The following ERP44 variants were observed in gnomAD, a reference collection of about 807,000 sequenced individuals.
ERP44 encodes the protein endoplasmic reticulum protein 44.
In ERP44, 25 loss-of-function variants were observed where a neutral mutation model predicts 53.4. The ratio of observed to expected loss-of-function variants is 0.47; its 90% confidence interval spans 0.34 to 0.65. ERP44 has a LOEUF of 0.65. ERP44 is among the 30% of genes least tolerant of loss of function. The probability of loss-of-function intolerance (pLI) is 0.01; values close to 1 mark genes in which losing one functional copy is unlikely to be tolerated. For synonymous variants in ERP44, 145 were observed against 161.2 expected (o/e 0.90, Z 0.76); for missense variants, 338 against 493.2 (o/e 0.69, Z 2.98).
At chr9:100,084,992 C>CT (rs1269339396) in intron 1 of ERP44, among the ~76,000 whole-genome samples, 3 of 152,192 alleles carry the variant, frequency 2.0e-5, no homozygotes, top group Non-Finnish European at 1.5e-5. Context: ...GGTGGTTTAT[C>CT]TTGCCTCATG....
intron 10 of ERP44, among the ~76,000 whole-genome samples, chr9:100,001,740 T>G (rs957342051): frequency 5.9e-5 from 9 of 152,192 alleles, no homozygotes; most frequent in Non-Finnish European, 1.2e-4. Context: ...GTAGGCAGTT[T>G]ATAGTTGGGT....
At chr9:100,067,922 C>CT (rs1826240543) in intron 1 of ERP44, among the ~76,000 whole-genome samples, 2 of 151,716 alleles carry the variant, frequency 1.3e-5, no homozygotes, top group Admixed American at 6.6e-5. Flanking sequence ...GCCCGGCAAC[C>CT]ACCCCGTCTG....
chr9:100,045,362 T>C (rs1312031326), intron 4 of ERP44, among the ~76,000 whole-genome samples: 1 of 152,216 alleles, frequency 6.6e-6, no homozygotes, highest in Non-Finnish European at 1.5e-5. Context: ...CAATTTGCGA[T>C]TGTGTATTGT....
chr9:100,016,497 T>C, intron 7 of ERP44, 59 bp from the exon 8 acceptor site: 1 of 1,497,718 alleles, frequency 6.7e-7, no homozygotes, highest in Non-Finnish European at 8.8e-7. Flanking sequence ...AGTATATTCT[T>C]ATTTTTTTTC....
At chr9:100,067,735 T>C (rs1307837420) in intron 1 of ERP44, among the ~76,000 whole-genome samples, 1 of 146,410 alleles carries the variant, frequency 6.8e-6, no homozygotes, top group African/African-American at 2.6e-5. Context: ...CCATCCCATC[T>C]AGGAAGTGAG....
intron 10 of ERP44, among the ~76,000 whole-genome samples, chr9:99,996,765 G>T (rs1034754706): frequency 6.6e-6 from 1 of 152,048 alleles, no homozygotes; most frequent in Non-Finnish European, 1.5e-5. Context: ...CCACATATCA[G>T]TAAGAACATA....
At chr9:100,028,998 G>T (rs1310252964) in intron 4 of ERP44, among the ~76,000 whole-genome samples, 3 of 152,070 alleles carry the variant, frequency 2.0e-5, no homozygotes, top group Non-Finnish European at 4.4e-5. Flanking sequence ...AATTCTAAGT[G>T]TCCCTATCTC....
rs139567620 is a variant in ERP44, at chr9:100,096,415, T to C, written c.57+2369A>G. Among the ~76,000 whole-genome samples, 675 of 151,834 alleles carry C rather than the reference T, an allele frequency of 4.4e-3. 3 individuals are homozygous for C. The highest frequency in any genetic ancestry group is 0.016 in the African/African-American group (649 of 41,486). ...CGCAAATAAATATATATATAAAAGA[T>C]ATATATACATATAAAAGCTCAGGAA... On this transcript the variant is annotated intron_variant, in intron 1 of 11. Coordinates refer to ENST00000262455, the MANE Select transcript of ERP44 (RefSeq NM_015051.3).
At chr9:99,993,535 G>A (rs1830277672) in intron 10 of ERP44, among the ~76,000 whole-genome samples, 1 of 152,160 alleles carries the variant, frequency 6.6e-6, no homozygotes, top group Admixed American at 6.5e-5. Context: ...AGACTTAAAT[G>A]TTAGACCTAA....
At chr9:100,053,491 T>A (rs1191545807) in intron 3 of ERP44, among the ~76,000 whole-genome samples, 1 of 152,154 alleles carries the variant, frequency 6.6e-6, no homozygotes, top group African/African-American at 2.4e-5. Flanking sequence ...CATCATAAAG[T>A]ATACTTACAC....
intron 10 of ERP44, among the ~76,000 whole-genome samples, chr9:99,991,341 T>G (rs1830252400): frequency 6.6e-6 from 1 of 152,138 alleles, no homozygotes. Flanking sequence ...GCAATTAAAT[T>G]AGAACTCAGG....
chr9:99,982,455 G>T lies in ERP44; in HGVS notation c.*157C>A. 3.1e-6 allele frequency: 1 copy of T among 322,848 alleles called. No homozygotes were observed. Among genetic ancestry groups the T allele is most frequent in the East Asian group, 4.9e-5 (1 of 20,602 alleles). The allele number at this position is 322,848 out of a possible 1,614,324, so 20.0% of individuals were successfully genotyped here. ...AGAGGCTACTATATTAAATGACAAT[G>T]CATTTTGAGTCGGGGAGAAAAAAAT... On this transcript the variant is annotated 3_prime_UTR_variant, in exon 12 of 12. Transcript: ENST00000262455.
At chr9:100,006,399 A>T (rs1486866639) in intron 10 of ERP44, 107 bp downstream of exon 10, 1 of 820,588 alleles carries the variant, frequency 1.2e-6, no homozygotes, top group African/African-American at 1.7e-5. Context: ...CAGTTAACAA[A>T]GTCTTACTGT....
intron 6 of ERP44, among the ~76,000 whole-genome samples, chr9:100,020,130 GAAGGACACCAGTTAC>G (rs925588207): frequency 3.9e-5 from 6 of 152,218 alleles, no homozygotes; most frequent in Non-Finnish European, 5.9e-5. Flanking sequence ...AGAGGAGTTT[GAAGGACACCAGTTAC>G]AAGGACATCA....
intron 9 of ERP44, among the ~76,000 whole-genome samples, chr9:100,007,036 G>A (rs1403700287): frequency 2.0e-5 from 3 of 152,154 alleles, no homozygotes; most frequent in Non-Finnish European, 4.4e-5. Context: ...TTGATTTTTA[G>A]TCGAATTCAA....
At position 99,981,207 on chromosome 9, in the gene ERP44, T is replaced by C. The variant is rs139791061; in HGVS notation, c.*1405A>G. 68 of 152,336 alleles carry C rather than the reference T, an allele frequency of 4.5e-4. No individual in the cohort carries two copies. The East Asian group carries it at 0.011, about 25-fold the overall frequency. The allele number at this position is 152,336 out of a possible 1,614,324, so 9.4% of individuals were successfully genotyped here. On this transcript the variant is annotated 3_prime_UTR_variant, in exon 12 of 12. Transcript: ENST00000262455. The stretch of plus-strand genomic sequence containing the variant: ...TACAATACATTAAATATACCCCTTA[T>C]CACCTTATTAACATTTATTATTTTG...
chr9:100,000,028 C>T (rs1204522789), intron 10 of ERP44, among the ~76,000 whole-genome samples: 13 of 152,092 alleles, frequency 8.5e-5, no homozygotes, highest in Admixed American at 6.5e-4. Flanking sequence ...ACCAGGGTCT[C>T]TAGTTTGCTA....
intron 10 of ERP44, among the ~76,000 whole-genome samples, chr9:100,002,577 TATC>T (rs1830388907): frequency 6.6e-6 from 1 of 152,216 alleles, no homozygotes; most frequent in South Asian, 2.1e-4. Context: ...ACTTTGAACA[TATC>T]ATCCCACTCT....
At chr9:100,068,333 G>T (rs1248150592) in intron 1 of ERP44, among the ~76,000 whole-genome samples, 3 of 132,016 alleles carry the variant, frequency 2.3e-5, no homozygotes, top group Non-Finnish European at 4.8e-5. Context: ...GAGGGAGGTG[G>T]GGGGGTCAGC....
Sources: gnomAD v4.1 joint callset for allele counts (sites outside exome capture counted in the v4.1 genomes callset) on GRCh38, gnomAD v4.1.1 for gene constraint, MANE v1.5 for transcripts, NCBI Gene and HGNC (gene_info 2026-07-23, HGNC 2026-07-21) for gene names.